NECTIN4: variants seen among roughly 807,000 people sequenced by gnomAD.
NECTIN4 encodes the protein nectin-4.
NECTIN4 carries 19 observed loss-of-function variants against 51.7 expected under a neutral mutation model. The ratio of observed to expected loss-of-function variants is 0.37; its 90% CI spans 0.26 to 0.54. The LOEUF is 0.54. Ranked by LOEUF, NECTIN4 falls within the 20% of genes least tolerant of loss-of-function variation. The pLI, the probability that NECTIN4 is intolerant of heterozygous loss-of-function variation, is 0.86. For missense variants in NECTIN4, 619 were observed against 662.4 expected, an observed-to-expected ratio of 0.93 and a Z score of 0.72; for synonymous variants, 283 against 286.9, an observed-to-expected ratio of 0.99 and a Z score of 0.14.
intron 1 of NECTIN4, among the ~76,000 whole-genome samples, chr1:161,080,198 A>G (rs529278210): frequency 2.6e-4 from 40 of 152,294 alleles, no homozygotes; most frequent in African/African-American, 9.1e-4. Flanking sequence ...GGCCACACAG[A>G]CGATTTATGG....
chr1:161,086,403 G>C (rs1349580373), intron 1 of NECTIN4, among the ~76,000 whole-genome samples: 1 of 152,178 alleles, frequency 6.6e-6, no homozygotes, highest in Non-Finnish European at 1.5e-5. Flanking sequence ...ACAGGAAAGG[G>C]CCTGCCCCCC....
chr1:161,084,040 G>A (rs1224085967), intron 1 of NECTIN4, among the ~76,000 whole-genome samples: 1 of 152,212 alleles, frequency 6.6e-6, no homozygotes, highest in African/African-American at 2.4e-5. Flanking sequence ...TGTGAATGTA[G>A]GGGATCGTAG....
At position 161,073,613 on chromosome 1, in the gene NECTIN4, G is replaced by T. The variant is rs989409126; in HGVS notation, c.1233+107C>A. ...GGCCAACCCCAGCTGTGAGTCAGTG[G>T]CTGACCCAGCAGAGAGCTGTGCTCC... On this transcript the variant is annotated intron_variant, in intron 7 of 8. Transcript: ENST00000368012. The T allele has an allele frequency of 3.8e-6, 4 of 1,045,248 alleles. No individual in the cohort carries two copies. The African/African-American group carries it at 6.3e-5, about 16-fold the overall frequency. The allele number at this position is 1,045,248 out of a possible 1,614,324, so 64.7% of individuals were successfully genotyped here.
intron 6 of NECTIN4, 62 bp from the exon 7 acceptor site, chr1:161,073,857 T>A: frequency 6.7e-7 from 1 of 1,490,690 alleles, no homozygotes; most frequent in Non-Finnish European, 9.3e-7. Flanking sequence ...GGTGAGCCTA[T>A]CCTGGCTGAG....
intron 3 of NECTIN4, 148 bp from the exon 4 acceptor site, chr1:161,076,623 GC>G: frequency 9.6e-7 from 1 of 1,045,204 alleles, no homozygotes; most frequent in Non-Finnish European, 1.5e-6. Context: ...ACCTAGCTCA[GC>G]CCCACCCTGC....
intron 1 of NECTIN4, chr1:161,084,858 C>T (rs1374384346): frequency 2.6e-5 from 4 of 151,824 alleles, no homozygotes; most frequent in Non-Finnish European, 4.4e-5. Flanking sequence ...GGGAATCCTG[C>T]CTGGGGCTAG....
chr1:161,082,323 A>AT (rs766921370), intron 1 of NECTIN4, among the ~76,000 whole-genome samples: 25 of 151,912 alleles, frequency 1.6e-4, no homozygotes, highest in Admixed American at 4.6e-4. Context: ...GCAAGACACC[A>AT]TCCCCCCGCC....
intron 1 of NECTIN4, among the ~76,000 whole-genome samples, chr1:161,082,255 G>A (rs969725334): frequency 5.9e-5 from 9 of 152,154 alleles, no homozygotes; most frequent in Non-Finnish European, 8.8e-5. Context: ...GTGAACCCAG[G>A]AGGTGGAGGT....
intron 6 of NECTIN4, 119 bp from the exon 7 acceptor site, chr1:161,073,914 A>G: frequency 1.1e-6 from 1 of 913,656 alleles, no homozygotes; most frequent in Admixed American, 1.9e-5. Flanking sequence ...CTGGCCCTGC[A>G]AGTGTGAGTG....
At chr1:161,081,888 C>T (rs1301268960) in intron 1 of NECTIN4, among the ~76,000 whole-genome samples, 1 of 141,762 alleles carries the variant, frequency 7.1e-6, no homozygotes, top group Non-Finnish European at 1.5e-5. Flanking sequence ...AGCACTTTAT[C>T]CCTATTTTCT....
At chr1:161,075,117 T>G (rs1229238106) in intron 4 of NECTIN4, among the ~76,000 whole-genome samples, 1 of 152,208 alleles carries the variant, frequency 6.6e-6, no homozygotes, top group East Asian at 1.9e-4. Context: ...AAAATGTGAC[T>G]GCCTGCTCCA....
intron 4 of NECTIN4, among the ~76,000 whole-genome samples, chr1:161,074,969 C>T (rs763670008): frequency 1.3e-5 from 2 of 152,130 alleles, no homozygotes; most frequent in Non-Finnish European, 2.9e-5. Context: ...CCCACACACA[C>T]CCGGGGAAGA....
intron 2 of NECTIN4, among the ~76,000 whole-genome samples, chr1:161,078,986 T>C (rs576858811): frequency 1.3e-5 from 2 of 152,224 alleles, no homozygotes; most frequent in South Asian, 2.1e-4. Context: ...CACTCCAGCC[T>C]GGGCGACAGA....
chr1:161,072,031 T>C lies in NECTIN4; in HGVS notation c.*630A>G, dbSNP rs1041525475. 4 of 166,972 alleles carry C rather than the reference T, an allele frequency of 2.4e-5. No individual in the cohort carries two copies. The highest frequency in any genetic ancestry group is 5.3e-5 in the Non-Finnish European group (4 of 75,756). 10.3% of individuals were successfully genotyped at this position (166,972 alleles called of 1,614,324 possible). A position where few individuals can be genotyped will look rare whatever the true frequency, so the allele number is the denominator to read the frequency against. ...AGAGGGCAGAGGGCTTCTGTAACAG[T>C]TCAAGCCTCTGGCTGACCCAGGGAC... is the stretch of plus-strand genomic sequence containing the variant. On this transcript the variant is annotated 3_prime_UTR_variant, in exon 9 of 9. Transcript: ENST00000368012.
chr1:161,080,716 G>T (rs921543331), intron 1 of NECTIN4, among the ~76,000 whole-genome samples: 1 of 152,154 alleles, frequency 6.6e-6, no homozygotes, highest in Non-Finnish European at 1.5e-5. Flanking sequence ...AGCTGGAATC[G>T]GAGGACAAGG....
At chr1:161,088,371 C>T (rs1237662548) in intron 1 of NECTIN4, among the ~76,000 whole-genome samples, 1 of 152,120 alleles carries the variant, frequency 6.6e-6, no homozygotes, top group Non-Finnish European at 1.5e-5. Flanking sequence ...CCACTGAGGT[C>T]TCACTGTGCA....
rs754199272 is a variant in NECTIN4 at position 161,072,167 on chromosome 1, A to C, written c.*494T>G. On this transcript the variant is annotated 3_prime_UTR_variant, in exon 9 of 9. Coordinates refer to ENST00000368012, the MANE Select transcript of NECTIN4 (RefSeq NM_030916.3). Reference sequence around the variant, plus strand: ...GCCCGCACACCTGGGTCTGAGCCACAGTCTCCACCTCTCTCCTCCAACCTC... The same window carrying C: ...GCCCGCACACCTGGGTCTGAGCCACCGTCTCCACCTCTCTCCTCCAACCTC... 4.5e-6 allele frequency: 1 copy of C among 224,072 alleles called. No individual in the cohort carries two copies. The highest frequency in any genetic ancestry group is 2.3e-5 in the African/African-American group (1 of 44,224). The allele number at this position is 224,072 out of a possible 1,614,324, so 13.9% of individuals were successfully genotyped here. A position where few individuals can be genotyped will look rare whatever the true frequency, so the allele number is the denominator to read the frequency against.
At position 161,077,759 on chromosome 1, in the gene NECTIN4, G is replaced by A. The variant is rs2101663743; in HGVS notation, c.440-16C>T. 2 of 1,602,038 alleles carry A rather than the reference G, an allele frequency of 1.2e-6. No homozygotes were observed. Among genetic ancestry groups the A allele is most frequent in the East Asian group, 2.2e-5 (1 of 44,832 alleles). On this transcript the variant is annotated splice_polypyrimidine_tract_variant and intron_variant, in intron 2 of 8. Transcript: ENST00000368012. Reference sequence around the variant, plus strand: ...AGGGGAGGCACTGCAAATGGGGAAAGGCAGGGGTCACAGGTCTACACAATC... The same window carrying A: ...AGGGGAGGCACTGCAAATGGGGAAAAGCAGGGGTCACAGGTCTACACAATC...
chr1:161,085,698 T>G (rs1271192984), intron 1 of NECTIN4, among the ~76,000 whole-genome samples: 3 of 91,426 alleles, frequency 3.3e-5, no homozygotes, highest in African/African-American at 1.2e-4. Flanking sequence ...TCGCCTCCTC[T>G]TTTTTTTTTT....
Sources: gnomAD v4.1 joint callset for allele counts (sites outside exome capture counted in the v4.1 genomes callset) on GRCh38, gnomAD v4.1.1 for gene constraint, MANE v1.5 for transcripts, NCBI Gene and HGNC (gene_info 2026-07-23, HGNC 2026-07-21) for gene names.